NCKAP5: variants seen among roughly 807,000 people sequenced by gnomAD.
The protein encoded by NCKAP5 is NCK associated protein 5.
A neutral mutation model predicts 167.0 loss-of-function variants in NCKAP5; 92 were observed. The ratio of observed to expected loss-of-function variants is 0.55; its 90% CI spans 0.47 to 0.66. The LOEUF is 0.66. Ranked by LOEUF, NCKAP5 falls within the 30% of genes least tolerant of loss-of-function variation. NCKAP5 has a pLI of 0.00. For synonymous variants in NCKAP5, 891 were observed against 877.4 expected (o/e 1.02, Z -0.27); for missense variants, 2,378 against 2,315.0 (o/e 1.03, Z -0.56).
chr2:132,936,014 C>T (rs1185020685), intron 8 of NCKAP5, among the ~76,000 whole-genome samples: 1 of 150,084 alleles, frequency 6.7e-6, no homozygotes, highest in African/African-American at 2.5e-5. Context: ...CAGAGTCCCG[C>T]TCTGTCGCCC....
In NCKAP5 at chr2:132,782,781, G is replaced by T. The variant is rs754345640; in HGVS notation, c.4030C>A (p.His1344Asn). The change falls in exon 14 of 20, where the codon CAC becomes AAC. Residue 1344 changes from histidine to asparagine, a missense_variant. By Grantham distance (68) the His-to-Asn change is moderately conservative. Coordinates refer to ENST00000409261, the MANE Select transcript of NCKAP5 (RefSeq NM_207363.3). ...AGGGAGCCCTTCCCGGAGGAGGGGT[G>T]CCCCGAGGGCCTCCCAACACTGGGG... ...SLPSVGRPSGHPSSGKGSLGS... is the reference protein window; with the variant it reads ...SLPSVGRPSGNPSSGKGSLGS... 1 of 1,613,844 alleles carries T rather than the reference G, an allele frequency of 6.2e-7. No homozygotes were observed. Among genetic ancestry groups the T allele is most frequent in the Non-Finnish European group, 8.5e-7 (1 of 1,179,792 alleles).
chr2:133,253,313 C>T (rs1270659279), intron 4 of NCKAP5, among the ~76,000 whole-genome samples: 2 of 152,242 alleles, frequency 1.3e-5, no homozygotes, highest in Non-Finnish European at 2.9e-5. Flanking sequence ...CGGACCTTTA[C>T]ATAACTTACT....
At chr2:133,041,424 T>C (rs1047710661) in intron 6 of NCKAP5, among the ~76,000 whole-genome samples, 1 of 152,204 alleles carries the variant, frequency 6.6e-6, no homozygotes, top group Non-Finnish European at 1.5e-5. Context: ...ACAAGTAGTT[T>C]TCATTTGTTG....
chr2:132,779,364 T>C (rs1682824330), intron 15 of NCKAP5, among the ~76,000 whole-genome samples: 1 of 152,238 alleles, frequency 6.6e-6, no homozygotes, highest in African/African-American at 2.4e-5. Context: ...CATAGTTAAA[T>C]TGAGTGCCTC....
chr2:133,540,108 G>A (rs927349339), intron 2 of NCKAP5, among the ~76,000 whole-genome samples: 24 of 151,398 alleles, frequency 1.6e-4, no homozygotes, highest in Admixed American at 4.6e-4. Flanking sequence ...TTGAACCCGG[G>A]AGGCAGAGCT....
intron 7 of NCKAP5, among the ~76,000 whole-genome samples, chr2:132,974,044 C>A (rs758466578): frequency 1.3e-5 from 2 of 152,156 alleles, no homozygotes; most frequent in Non-Finnish European, 2.9e-5. Context: ...CCTATCCTGA[C>A]GGTAATAACA....
intron 6 of NCKAP5, among the ~76,000 whole-genome samples, chr2:133,110,512 T>C (rs2081871949): frequency 6.6e-6 from 1 of 152,130 alleles, no homozygotes; most frequent in Admixed American, 6.5e-5. Context: ...AGGAGGGAAG[T>C]ATTTCGGCAT....
chr2:133,667,711 G>A, the NCKAP5 span, among the ~76,000 whole-genome samples: 1 of 151,976 alleles, frequency 6.6e-6, no homozygotes. Flanking sequence ...CCCCAAATTG[G>A]TAAGGTTGAC....
At chr2:132,736,452 T>C (rs1158192352) in intron 16 of NCKAP5, among the ~76,000 whole-genome samples, 1 of 152,136 alleles carries the variant, frequency 6.6e-6, no homozygotes, top group African/African-American at 2.4e-5. Flanking sequence ...GCCTCCCTCA[T>C]CTTCAATGAG....
intron 5 of NCKAP5, among the ~76,000 whole-genome samples, chr2:133,134,379 GT>G (rs1315070452): frequency 6.6e-6 from 1 of 151,978 alleles, no homozygotes; most frequent in Non-Finnish European, 1.5e-5. Flanking sequence ...CTACCTTTTT[GT>G]TTTTAGTGTG....
the NCKAP5 span, among the ~76,000 whole-genome samples, chr2:133,661,611 C>T: frequency 1.5e-4 from 23 of 152,310 alleles, no homozygotes; most frequent in African/African-American, 5.1e-4. Context: ...TACCATAATG[C>T]GATCCAGTGG....
At chr2:132,842,946 T>C (rs1688397496) in intron 11 of NCKAP5, among the ~76,000 whole-genome samples, 1 of 152,186 alleles carries the variant, frequency 6.6e-6, no homozygotes, top group South Asian at 2.1e-4. Context: ...GTTTATAATG[T>C]CACATTTGCT....
At chr2:132,800,858 T>C (rs1189127057) in intron 11 of NCKAP5, among the ~76,000 whole-genome samples, 1 of 152,166 alleles carries the variant, frequency 6.6e-6, no homozygotes, top group African/African-American at 2.4e-5. Context: ...ATCAACTCCA[T>C]GAAAATGCAG....
At chr2:133,551,632 A>G (rs1244822563) in intron 2 of NCKAP5, among the ~76,000 whole-genome samples, 1 of 67,144 alleles carries the variant, frequency 1.5e-5, no homozygotes, top group African/African-American at 6.2e-5. Context: ...ACCTAAAACC[A>G]TAAAAACCCT....
chr2:132,913,036 G>A (rs535686531), intron 8 of NCKAP5, among the ~76,000 whole-genome samples: 4 of 151,882 alleles, frequency 2.6e-5, no homozygotes, highest in East Asian at 1.9e-4. Context: ...AAACTACTAC[G>A]GTCTCTTCCC....
At chr2:132,991,414 T>C (rs1048558582) in intron 7 of NCKAP5, among the ~76,000 whole-genome samples, 4 of 152,192 alleles carry the variant, frequency 2.6e-5, no homozygotes, top group African/African-American at 7.2e-5. Context: ...AAACCTCTGA[T>C]TACCACATAG....
chr2:132,812,321 T>C (rs1685943060), intron 11 of NCKAP5, among the ~76,000 whole-genome samples: 1 of 152,228 alleles, frequency 6.6e-6, no homozygotes, highest in African/African-American at 2.4e-5. Context: ...TTTTCCTTAT[T>C]TAATCCTTAT....
intron 2 of NCKAP5, among the ~76,000 whole-genome samples, chr2:133,522,418 G>A (rs1370168404): frequency 7.9e-5 from 12 of 152,074 alleles, no homozygotes; most frequent in Non-Finnish European, 1.5e-4. Context: ...AGATGCCTTT[G>A]GAAAGGCAGC....
chr2:133,405,014 T>C (rs1163441283), intron 3 of NCKAP5, among the ~76,000 whole-genome samples: 1 of 152,228 alleles, frequency 6.6e-6, no homozygotes, highest in African/African-American at 2.4e-5. Context: ...CTCTCTAGTG[T>C]AGCCAATAAG....
Sources: gnomAD v4.1 joint callset for allele counts (sites outside exome capture counted in the v4.1 genomes callset) on GRCh38, gnomAD v4.1.1 for gene constraint, MANE v1.5 for transcripts, NCBI Gene and HGNC (gene_info 2026-07-23, HGNC 2026-07-21) for gene names.